The following MAU2 variants were observed in gnomAD, a reference collection of about 807,000 sequenced individuals.
The protein encoded by MAU2 is MAU2 chromatid cohesion factor homolog.
Under a neutral mutation model 89.1 loss-of-function variants are expected in MAU2, and 9 were observed. The ratio of observed to expected loss-of-function variants is 0.10; its 90% CI spans 0.06 to 0.18. The LOEUF is 0.18. Ranked by LOEUF, MAU2 falls within the 10% of genes least tolerant of loss-of-function variation. The probability of loss-of-function intolerance (pLI) is 1.00; values close to 1 mark genes in which losing one functional copy is unlikely to be tolerated. For missense variants in MAU2, 425 were observed against 803.5 expected (o/e 0.53, Z 5.69); for synonymous variants, 357 against 343.4 (o/e 1.04, Z -0.44).
intron 1 of MAU2, among the ~76,000 whole-genome samples, chr19:19,330,460 G>A (rs1320905802): frequency 6.6e-6 from 1 of 152,000 alleles, no homozygotes; most frequent in Non-Finnish European, 1.5e-5. Context: ...AGTTGGGCCT[G>A]CCAGGCGCCA....
intron 10 of MAU2, chr19:19,344,564 C>G: frequency 1.9e-6 from 1 of 527,672 alleles, no homozygotes; most frequent in Non-Finnish European, 3.4e-6. Flanking sequence ...CCAGTACCCA[C>G]CCTCCTGAGA....
intron 1 of MAU2, among the ~76,000 whole-genome samples, chr19:19,332,880 C>G (rs1394440901): frequency 6.6e-6 from 1 of 152,062 alleles, no homozygotes; most frequent in African/African-American, 2.4e-5. Context: ...AGTTTGAGAC[C>G]AGCCTGACCA....
rs544259642 is a variant in MAU2 at position 19,321,129 on chromosome 19, G to A, written c.270G>A (p.Glu90=). 4 of 1,590,248 alleles carry A rather than the reference G, an allele frequency of 2.5e-6. No individual in the cohort carries two copies. In the South Asian group the frequency reaches 3.4e-5, roughly 14 times the overall value. ...GCGAGCAGGCGCGCAGCCACCTGGA[G>A]AAGGCGGTGAGCGCGGGCCGGGCCG... ...KNSEQARSHL[E]KAWLISQQIP... Residue 90 remains glutamate (E), a synonymous_variant, in exon 1 of 19, where the codon GAG becomes GAA. Coordinates refer to ENST00000262815, the MANE Select transcript of MAU2 (RefSeq NM_015329.4).
chr19:19,327,760 G>A (rs760005663), intron 1 of MAU2, among the ~76,000 whole-genome samples: 4 of 152,074 alleles, frequency 2.6e-5, no homozygotes, highest in Admixed American at 6.6e-5. Flanking sequence ...CCTGCCGGCC[G>A]CCTTGTTCCC....
At chr19:19,343,718 G>A in intron 9 of MAU2, 119 bp from the exon 10 acceptor site, 3 of 730,056 alleles carry the variant, frequency 4.1e-6, no homozygotes, top group Non-Finnish European at 7.4e-6. Flanking sequence ...TAGGGGAGAT[G>A]ACGGGGTGGG....
At chr19:19,332,326 A>ATTTT (rs35913129) in intron 1 of MAU2, among the ~76,000 whole-genome samples, 10 of 101,944 alleles carry the variant, frequency 9.8e-5, no homozygotes, top group African/African-American at 2.4e-4. Context: ...TGCCTGGCTG[A>ATTTT]TTTTTTTTTT....
At chr19:19,343,326 A>T (rs949481523) in intron 9 of MAU2, among the ~76,000 whole-genome samples, 13 of 152,174 alleles carry the variant, frequency 8.5e-5, no homozygotes, top group African/African-American at 3.1e-4. Flanking sequence ...TGTGCCCATT[A>T]GTCGGTCTGT....
At chr19:19,347,824 C>T (rs1349394151) in intron 13 of MAU2, 1 of 155,664 alleles carries the variant, frequency 6.4e-6, no homozygotes, top group East Asian at 1.9e-4. Flanking sequence ...GCTTCTGAAC[C>T]AATGCTTGCA....
In MAU2 at chr19:19,348,386, C is replaced by T. The variant is rs886670770; in HGVS notation, c.1309-503C>T. The T allele has an allele frequency of 2.4e-5, 5 of 204,232 alleles. No individual in the cohort carries two copies. In the Admixed American group the frequency reaches 2.6e-4, roughly 11 times the overall value. The allele number at this position is 204,232 out of a possible 1,614,324, so 12.7% of individuals were successfully genotyped here. On this transcript the variant is annotated intron_variant, in intron 13 of 18. Coordinates refer to ENST00000262815, the MANE Select transcript of MAU2 (RefSeq NM_015329.4). ...CTCAAAGGAAAAAGAAAGCCCAGCC[C>T]CGGCTTAGTCATCCGATGCCATACG... is the stretch of plus-strand genomic sequence containing the variant.
Position 19,323,636 on chromosome 19 carries a change from A to G in MAU2, c.276+2501A>G, listed in dbSNP as rs532082530. On this transcript the variant is annotated intron_variant, in intron 1 of 18. Transcript: ENST00000262815. ...GTCCTCCCATCTCAGCCTCCTGAGT[A>G]GTTGGGACCACAGGTACGCACCACC... Among the ~76,000 whole-genome samples the G allele has an allele frequency of 1.1e-4, 16 of 152,154 alleles. No homozygotes were observed. The South Asian group carries it at 2.9e-3, about 28-fold the overall frequency.
intron 1 of MAU2, among the ~76,000 whole-genome samples, chr19:19,324,574 C>G (rs1196163988): frequency 6.6e-6 from 1 of 152,188 alleles, no homozygotes; most frequent in African/African-American, 2.4e-5. Flanking sequence ...CGTATTTTGC[C>G]CACTCAGCCC....
chr19:19,343,957 G>T lies in MAU2; in HGVS notation c.1077+17G>T. 1 of 1,604,248 alleles carries T rather than the reference G, an allele frequency of 6.2e-7. No homozygotes were observed. Among genetic ancestry groups the T allele is most frequent in the Non-Finnish European group, 8.5e-7 (1 of 1,175,464 alleles). Reference sequence around the variant, plus strand: ...CTGCAGGAGGTAAGGCTGGAAGCAGGAGGGGCGGGAAGGCCCAGGAGTTTG... The same window carrying T: ...CTGCAGGAGGTAAGGCTGGAAGCAGTAGGGGCGGGAAGGCCCAGGAGTTTG... On this transcript the variant is annotated intron_variant, in intron 10 of 18. Transcript: ENST00000262815.
intron 5 of MAU2, chr19:19,339,547 T>A (rs1256451348): frequency 2.0e-5 from 3 of 151,798 alleles, no homozygotes; most frequent in Non-Finnish European, 4.4e-5. Context: ...CCGCCGCGTT[T>A]TTTTTTGTTG....
At chr19:19,341,146 T>TTGTG in intron 6 of MAU2, 106 bp from the exon 7 acceptor site, 1 of 1,356,126 alleles carries the variant, frequency 7.4e-7, no homozygotes, top group Non-Finnish European at 1.0e-6. Context: ...GCCCTCTGGA[T>TTGTG]TGGTGGCAGC....
chr19:19,325,257 C>G (rs1459105602), intron 1 of MAU2, among the ~76,000 whole-genome samples: 3 of 152,088 alleles, frequency 2.0e-5, no homozygotes, highest in Non-Finnish European at 4.4e-5. Context: ...CTCACTGCAA[C>G]CTCTGCCTCC....
In MAU2 at chr19:19,321,060, A is replaced by G. The variant is rs959942153; in HGVS notation, c.201A>G (p.Thr67=). 16 of 1,612,348 alleles carry G rather than the reference A, an allele frequency of 9.9e-6. No homozygotes were observed. Among genetic ancestry groups the G allele is most frequent in the Non-Finnish European group, 1.4e-5 (16 of 1,179,450 alleles). ...CGCCGCAGCGCATCGAGGCCCGTAC[A>G]CACCTGCAGCTGGGCTCCGTTCTCT... ...FKPPQRIEAR[T]HLQLGSVLYH... is the part of the protein sequence containing the mutation. Residue 67 remains threonine (T), a synonymous_variant, in exon 1 of 19, where the codon ACA becomes ACG. Coordinates refer to ENST00000262815, the MANE Select transcript of MAU2 (RefSeq NM_015329.4).
At chr19:19,355,665 A>G in intron 18 of MAU2, 43 bp from the exon 19 acceptor site, 1 of 1,524,844 alleles carries the variant, frequency 6.6e-7, no homozygotes, top group South Asian at 1.2e-5. Flanking sequence ...TTCCCTGGGA[A>G]CGGTCCACAG....
intron 1 of MAU2, among the ~76,000 whole-genome samples, chr19:19,331,538 T>G (rs1226385546): frequency 6.6e-6 from 1 of 151,822 alleles, no homozygotes; most frequent in Non-Finnish European, 1.5e-5. Context: ...GTAGCAACCT[T>G]GGGTAAGGCA....
rs374508139 is a variant in MAU2, at chr19:19,336,086, C to T, written c.295-36C>T. 19 of 1,539,072 alleles carry T rather than the reference C, an allele frequency of 1.2e-5. No individual in the cohort carries two copies. The African/African-American group carries it at 2.2e-4, about 18-fold the overall frequency. On this transcript the variant is annotated intron_variant, in intron 2 of 18. Coordinates refer to ENST00000262815, the MANE Select transcript of MAU2 (RefSeq NM_015329.4). ...GTGGCCCTTTCAAACCGACCTTTTT[C>T]GCAGTGTCTGTACTTCCTTAACTGG...
Sources: gnomAD v4.1 joint callset for allele counts (sites outside exome capture counted in the v4.1 genomes callset) on GRCh38, gnomAD v4.1.1 for gene constraint, MANE v1.5 for transcripts, NCBI Gene and HGNC (gene_info 2026-07-23, HGNC 2026-07-21) for gene names.